The following DHCR24 variants were observed in gnomAD, a reference collection of about 807,000 sequenced individuals.
DHCR24 encodes delta(24)-sterol reductase.
Under a neutral mutation model 61.2 loss-of-function variants are expected in DHCR24, and 28 were observed. The ratio of observed to expected loss-of-function variants is 0.46; its 90% CI spans 0.34 to 0.63. The LOEUF is 0.63. Among genes scored for constraint, DHCR24 ranks in the 20% least tolerant of loss-of-function variants. The pLI, the probability that DHCR24 is intolerant of heterozygous loss-of-function variation, is 0.01. For missense variants in DHCR24, 538 were observed against 679.1 expected, an observed-to-expected ratio of 0.79 and a Z score of 2.31; for synonymous variants, 261 against 275.9, an observed-to-expected ratio of 0.95 and a Z score of 0.54.
chr1:54,880,249 C>T (rs958481409), intron 2 of DHCR24, among the ~76,000 whole-genome samples: 1 of 152,100 alleles, frequency 6.6e-6, no homozygotes, highest in African/African-American at 2.4e-5. Context: ...GGACAAATAC[C>T]TTTGAGACAC....
chr1:54,867,219 G>A (rs1646972415), intron 5 of DHCR24, among the ~76,000 whole-genome samples: 1 of 152,228 alleles, frequency 6.6e-6, no homozygotes, highest in Non-Finnish European at 1.5e-5. Context: ...GGGGTAGGCT[G>A]CTTCTCACAG....
In DHCR24 at chr1:54,876,017, C is replaced by A; in HGVS notation, c.418G>T (p.Gly140Cys). Residue 140 changes from glycine to cysteine, a missense_variant, in exon 3 of 9, where the codon GGC (glycine) becomes TGC (cysteine). Transcript: ENST00000371269. ...IVRVEPLVTM[G>C]QVTALLTSIG... The stretch of plus-strand genomic sequence containing the variant: ...GAGGTCAGCAGGGCAGTCACCTGGC[C>A]CATGGTCACCAAGGGCTCCACACGG... 1 of 1,613,948 alleles carries A rather than the reference C, an allele frequency of 6.2e-7. No individual in the cohort carries two copies. The highest frequency in any genetic ancestry group is 8.5e-7 in the Non-Finnish European group (1 of 1,179,932).
intron 6 of DHCR24, among the ~76,000 whole-genome samples, chr1:54,864,341 C>A (rs1225100610): frequency 2.0e-5 from 3 of 152,026 alleles, no homozygotes; most frequent in Non-Finnish European, 2.9e-5. Context: ...AAAATGTGGT[C>A]TCTCATATAA....
intron 6 of DHCR24, among the ~76,000 whole-genome samples, chr1:54,854,482 T>C (rs912406206): frequency 6.6e-6 from 1 of 152,196 alleles, no homozygotes; most frequent in Non-Finnish European, 1.5e-5. Flanking sequence ...TGAGCTCAGT[T>C]TCCTTATCTG....
chr1:54,883,837 T>A lies in DHCR24; in HGVS notation c.232-64A>T. ...GAATCCCCAGAGCAGCCTGCAGCCCTGCTTTCTTCAAGGGCGAGCTGGGAA... is the reference window on the plus strand; with the variant it reads ...GAATCCCCAGAGCAGCCTGCAGCCCAGCTTTCTTCAAGGGCGAGCTGGGAA... On this transcript the variant is annotated intron_variant, in intron 1 of 8. Transcript: ENST00000371269. This position sits in a 1 kb window ranked among gnomAD's most constrained non-coding sequence, Gnocchi z 4.3. 1.9e-6 allele frequency: 3 copies of A among 1,608,558 alleles called. No homozygotes were observed. Among genetic ancestry groups the A allele is most frequent in the South Asian group, 2.2e-5 (2 of 90,854 alleles).
At chr1:54,861,035 G>A (rs1163833678) in intron 6 of DHCR24, among the ~76,000 whole-genome samples, 2 of 151,178 alleles carry the variant, frequency 1.3e-5, no homozygotes, top group African/African-American at 2.4e-5. Flanking sequence ...AAAACCCACA[G>A]AGAAGGTCCT....
At chr1:54,874,448 A>G (rs1647015532) in intron 4 of DHCR24, among the ~76,000 whole-genome samples, 1 of 152,246 alleles carries the variant, frequency 6.6e-6, no homozygotes, top group Admixed American at 6.5e-5. Flanking sequence ...AGTATTGAGC[A>G]CAGTACCATG....
At chr1:54,886,282 A>T (rs765374866) in intron 1 of DHCR24, among the ~76,000 whole-genome samples, 23 of 152,320 alleles carry the variant, frequency 1.5e-4, no homozygotes, top group Admixed American at 6.5e-4. Context: ...CCGTCAGCAG[A>T]GGCTGTGAGG....
In DHCR24 at chr1:54,886,959, G is replaced by T; in HGVS notation, c.161C>A (p.Ala54Asp). Reference protein sequence around the residue: ...LIFDIYYYVRAWVVFKLSSAP... With the variant: ...LIFDIYYYVRDWVVFKLSSAP... ...GCTGCTGAGCTTGAACACCACCCAG[G>T]CGCGCACGTAGTAGTAGATATCGAA... The change falls in exon 1 of 9, where the codon GCC becomes GAC. Residue 54 changes from alanine (A) to aspartate (D), a missense_variant. Ala to Asp is a moderately radical substitution (Grantham distance 126). Coordinates refer to ENST00000371269, the MANE Select transcript of DHCR24 (RefSeq NM_014762.4). The T allele has an allele frequency of 6.2e-7, 1 of 1,613,708 alleles. No individual in the cohort carries two copies. Among genetic ancestry groups the T allele is most frequent in the Non-Finnish European group, 8.5e-7 (1 of 1,179,720 alleles).
chr1:54,878,472 C>T (rs139993736), intron 2 of DHCR24, among the ~76,000 whole-genome samples: 2,270 of 134,700 alleles, frequency 0.017, 76 homozygotes, highest in East Asian at 0.13. Flanking sequence ...CGAGATTGCA[C>T]CACTGTACTC....
intron 8 of DHCR24, 115 bp from the exon 9 acceptor site, chr1:54,852,501 G>GT (rs1395399109): frequency 7.1e-5 from 81 of 1,143,420 alleles, no homozygotes; most frequent in Middle Eastern, 4.8e-4. Context: ...GATTTCTCTT[G>GT]TTTAACCCCG....
chr1:54,875,847 GGCA>G (rs1647025803), intron 3 of DHCR24, 92 bp downstream of exon 3: 1 of 955,004 alleles, frequency 1.0e-6, no homozygotes, highest in South Asian at 1.3e-5. Context: ...ATGGAATAGC[GGCA>G]ATTCCAGGAC....
chr1:54,878,305 AG>A (rs1647045381), intron 2 of DHCR24, among the ~76,000 whole-genome samples: 1 of 151,002 alleles, frequency 6.6e-6, no homozygotes, highest in African/African-American at 2.4e-5. Context: ...CAGGAGTTTG[AG>A]ACCAGCCTGG....
chr1:54,872,166 C>G (rs1434983091), intron 4 of DHCR24, among the ~76,000 whole-genome samples: 2 of 152,184 alleles, frequency 1.3e-5, no homozygotes, highest in Non-Finnish European at 2.9e-5. Context: ...TCAGAGCTGC[C>G]ATGACTCACC....
intron 1 of DHCR24, chr1:54,886,509 A>AC (rs1299428135): frequency 2.0e-6 from 2 of 999,918 alleles, no homozygotes; most frequent in East Asian, 1.1e-4. Flanking sequence ...CAGTCCCTCC[A>AC]CCCACACACC....
chr1:54,862,040 G>A (rs1206641190), intron 6 of DHCR24, among the ~76,000 whole-genome samples: 3 of 152,034 alleles, frequency 2.0e-5, no homozygotes, highest in Non-Finnish European at 4.4e-5. Context: ...AACTTTCCAT[G>A]TGCCCATCAA....
rs1318105373 is a variant in DHCR24, at chr1:54,871,596, C to G, written c.630G>C (p.Leu210=). 6.2e-7 allele frequency: 1 copy of G among 1,614,044 alleles called. No individual in the cohort carries two copies. The highest frequency in any genetic ancestry group is 8.5e-7 in the Non-Finnish European group (1 of 1,180,046). ...CACAGGACCAGGGTACGGCATAGAA[C>G]AGGTCTGAGTTTTCGGACTGTGAGA... The part of the protein sequence containing the change: ...VRCTPSENSD[L]FYAVPWSCGT... Residue 210 remains leucine (L), a synonymous_variant, in exon 5 of 9, where the codon CTG becomes CTC. Coordinates refer to ENST00000371269, the MANE Select transcript of DHCR24 (RefSeq NM_014762.4).
chr1:54,865,222 A>C (rs1646961175), intron 6 of DHCR24, 81 bp downstream of exon 6: 3 of 1,521,100 alleles, frequency 2.0e-6, no homozygotes, highest in East Asian at 4.8e-5. Flanking sequence ...GAAGGGAGAG[A>C]GTATGGCTAC....
chr1:54,886,413 C>T (rs75593072), intron 1 of DHCR24, among the ~76,000 whole-genome samples: 1,689 of 152,256 alleles, frequency 0.011, 16 homozygotes, highest in Non-Finnish European at 0.019. Flanking sequence ...CATCAAGGCC[C>T]CTCTCCAGCC....
Sources: allele counts gnomAD v4.1 joint callset (sites outside exome capture counted in the v4.1 genomes callset), GRCh38; gene constraint gnomAD v4.1.1; non-coding constraint Gnocchi (gnomAD v3.1); transcripts MANE v1.5; gene names NCBI Gene and HGNC (gene_info 2026-07-23, HGNC 2026-07-21).